Variants in POLR1C observed in about 807,000 individuals in gnomAD.
The protein encoded by POLR1C is DNA-directed RNA polymerases I and III subunit RPAC1.
POLR1C carries 42 observed loss-of-function variants against 38.3 expected under a neutral mutation model. The observed-to-expected ratio is 1.10, with a 90% CI of 0.86 to 1.42. POLR1C has a LOEUF of 1.42. Among genes scored for constraint, POLR1C ranks in the 40% most tolerant of loss-of-function variants. POLR1C has a pLI of 0.00. For missense variants in POLR1C, 507 were observed against 450.5 expected (o/e 1.13, Z -1.14); for synonymous variants, 163 against 163.9 (o/e 0.99, Z 0.04).
At chr6:43,528,686 G>T in intron 8 of POLR1C, 1 of 756,030 alleles carries the variant, frequency 1.3e-6, no homozygotes, top group Non-Finnish European at 2.2e-6. Context: ...AGCAAGGATA[G>T]TCAGCTGGGG....
At chr6:43,520,561 A>G in intron 6 of POLR1C, 64 bp from the exon 7 acceptor site, 1 of 1,601,002 alleles carries the variant, frequency 6.2e-7, no homozygotes, top group Non-Finnish European at 8.5e-7. Flanking sequence ...TTAGTAGCTT[A>G]GGAGGAGTAT....
At chr6:43,554,923 G>A (rs1458450058) in intron 10 of POLR1C, 1 of 150,264 alleles carries the variant, frequency 6.7e-6, no homozygotes, top group African/African-American at 2.5e-5. Flanking sequence ...GCAGTGACGT[G>A]CACTAGTTAA....
chr6:43,559,862 C>A (rs1762314574), intron 10 of POLR1C, among the ~76,000 whole-genome samples: 1 of 152,166 alleles, frequency 6.6e-6, no homozygotes, highest in Admixed American at 6.5e-5. Flanking sequence ...ATTGCCTAGG[C>A]TGGAGTGCAG....
At chr6:43,533,823 T>G, downstream of POLR1C, 1 of 1,029,500 alleles carries the variant, frequency 9.7e-7, no homozygotes, top group Non-Finnish European at 1.4e-6. Context: ...TGACAGAGAC[T>G]ATGACTCTTA....
rs1793121904 is a variant in POLR1C, at chr6:43,520,752, T to C, written c.783T>C (p.Val261=). 1 of 1,613,996 alleles carries C rather than the reference T, an allele frequency of 6.2e-7. No homozygotes were observed. The highest frequency in any genetic ancestry group is 1.3e-5 in the African/African-American group (1 of 74,896). Residue 261 remains valine (V), a synonymous_variant, in exon 7 of 9, where the codon GTT becomes GTC. Coordinates refer to ENST00000642195, the MANE Select transcript of POLR1C (RefSeq NM_203290.4). ...TGAGCAGGTGCTTCTCACCTGGTGT[T>C]ATTGAGGTGCAGGAAGTCCAAGGTA... is the stretch of plus-strand genomic sequence containing the variant. ...EELSRCFSPG[V]IEVQEVQGKK...
chr6:43,539,791 G>A, intron 9 of POLR1C: 1 of 565,226 alleles, frequency 1.8e-6, no homozygotes, highest in Non-Finnish European at 3.1e-6. Flanking sequence ...TTGAAGGTCT[G>A]GGAGAACTCC....
In POLR1C at chr6:43,521,469, C is replaced by T. The variant is rs918382788; in HGVS notation, c.*169C>T. ...TGCCATAAAATGAGACTTTTTACGC[C>T]TTTATAAGGCCTTAGATGTAAATAA... is the stretch of plus-strand genomic sequence containing the variant. On this transcript the variant is annotated 3_prime_UTR_variant, in exon 9 of 9. Transcript: ENST00000642195. 16 of 1,448,142 alleles carry T rather than the reference C, an allele frequency of 1.1e-5. No homozygotes were observed. The East Asian group carries it at 1.3e-4, about 12-fold the overall frequency. 89.7% of individuals were successfully genotyped at this position (1,448,142 alleles called of 1,614,324 possible).
chr6:43,560,249 G>C, intron 10 of POLR1C: 1 of 1,612,486 alleles, frequency 6.2e-7, no homozygotes, highest in Non-Finnish European at 8.5e-7. Context: ...TCACGGGACA[G>C]GATTTCATGC....
chr6:43,528,232 C>T, intron 8 of POLR1C: 1 of 1,574,168 alleles, frequency 6.4e-7, no homozygotes, highest in Non-Finnish European at 8.6e-7. Context: ...GAAATAAATG[C>T]TAGAATTGGG....
intron 10 of POLR1C, chr6:43,558,428 C>T (rs1762230146): frequency 1.5e-6 from 2 of 1,351,540 alleles, no homozygotes; most frequent in Non-Finnish European, 2.0e-6. Flanking sequence ...CCCCAAACAC[C>T]ATGCACCATG....
chr6:43,528,597 G>A (rs888256260), intron 8 of POLR1C, among the ~76,000 whole-genome samples: 1 of 152,144 alleles, frequency 6.6e-6, no homozygotes, highest in Admixed American at 6.5e-5. Flanking sequence ...TTAACAGGAG[G>A]TTAGGAGCAG....
chr6:43,543,155 T>C (rs920338410), intron 9 of POLR1C, among the ~76,000 whole-genome samples: 10 of 152,182 alleles, frequency 6.6e-5, no homozygotes, highest in Non-Finnish European at 1.0e-4. Flanking sequence ...TTCAAAAACC[T>C]GGACAAAATG....
chr6:43,555,536 T>G (rs1370602814), intron 10 of POLR1C: 4 of 214,456 alleles, frequency 1.9e-5, no homozygotes, highest in African/African-American at 4.6e-5. Flanking sequence ...GTTAAGCTGG[T>G]GCCTGAAGTG....
At chr6:43,522,495 A>G (rs1582186371), downstream of POLR1C, 1 of 206,522 alleles carries the variant, frequency 4.8e-6, no homozygotes, top group Non-Finnish European at 1.1e-5. Flanking sequence ...CACAGCCCCA[A>G]CCAGACAGGA....
chr6:43,525,230 TGAA>T (rs779604334), downstream of POLR1C: 1 of 1,560,900 alleles, frequency 6.4e-7, no homozygotes, highest in Admixed American at 1.9e-5. Context: ...CAGGAAAAGA[TGAA>T]GAGTTACAAT....
chr6:43,526,118 C>T (rs1793571533), downstream of POLR1C: 1 of 572,452 alleles, frequency 1.7e-6, no homozygotes, highest in Non-Finnish European at 3.1e-6. Context: ...TCAAGCTGTA[C>T]ATGAGGGAAA....
intron 9 of POLR1C, among the ~76,000 whole-genome samples, chr6:43,536,958 TTTTTG>T (rs924027019): frequency 2.7e-5 from 4 of 150,758 alleles, no homozygotes; most frequent in African/African-American, 9.8e-5. Context: ...GAATAATTGA[TTTTTG>T]TTTTGTTTTT....
intron 10 of POLR1C, chr6:43,561,034 G>C (rs80346004): frequency 6.4e-7 from 1 of 1,562,766 alleles, no homozygotes; most frequent in Non-Finnish European, 8.8e-7. Flanking sequence ...CTATATTAAC[G>C]GTGTTGATCG....
At chr6:43,546,403 A>G (rs551267927) in intron 9 of POLR1C, among the ~76,000 whole-genome samples, 2 of 152,316 alleles carry the variant, frequency 1.3e-5, no homozygotes, top group African/African-American at 2.4e-5. Flanking sequence ...TGCAAGTGAG[A>G]GCTGATGTTA....
Sources: allele counts gnomAD v4.1 joint callset (sites outside exome capture counted in the v4.1 genomes callset), GRCh38; gene constraint gnomAD v4.1.1; transcripts MANE v1.5; gene names NCBI Gene and HGNC (gene_info 2026-07-23, HGNC 2026-07-21).